The following PPP2R2A variants were observed in gnomAD, a reference collection of about 807,000 sequenced individuals.
The protein encoded by PPP2R2A is protein phosphatase 2 regulatory subunit Balpha.
Under a neutral mutation model 53.2 loss-of-function variants are expected in PPP2R2A, and 9 were observed. The ratio of observed to expected loss-of-function variants is 0.17; its 90% CI spans 0.10 to 0.30. PPP2R2A has a LOEUF of 0.30. Among genes scored for constraint, PPP2R2A ranks in the 10% least tolerant of loss-of-function variants. The pLI is 1.00. For synonymous variants in PPP2R2A, 169 were observed against 174.2 expected (o/e 0.97, Z 0.23); for missense variants, 235 against 534.6 (o/e 0.44, Z 5.53).
intron 2 of PPP2R2A, among the ~76,000 whole-genome samples, chr8:26,295,052 A>G (rs1801484925): frequency 2.0e-5 from 3 of 152,324 alleles, no homozygotes; most frequent in South Asian, 4.1e-4. Flanking sequence ...TGTTGTAACT[A>G]CATTACCTGT....
intron 4 of PPP2R2A, among the ~76,000 whole-genome samples, chr8:26,356,975 T>C (rs1308805056): frequency 1.3e-5 from 2 of 152,218 alleles, no homozygotes; most frequent in Non-Finnish European, 2.9e-5. Flanking sequence ...ATTGTAGATT[T>C]TTGTCTTTTG....
intron 3 of PPP2R2A, among the ~76,000 whole-genome samples, chr8:26,348,589 G>GA (rs1253368658): frequency 6.6e-6 from 1 of 152,036 alleles, no homozygotes; most frequent in African/African-American, 2.4e-5. Context: ...CCAAAATATG[G>GA]AAAAAAATGT....
At chr8:26,352,938 C>T (rs1563317900) in intron 3 of PPP2R2A, among the ~76,000 whole-genome samples, 1 of 152,150 alleles carries the variant, frequency 6.6e-6, no homozygotes, top group Admixed American at 6.6e-5. Context: ...TATCCCTCTA[C>T]GCCCTAGTGT....
At chr8:26,312,395 G>C (rs911396349) in intron 2 of PPP2R2A, among the ~76,000 whole-genome samples, 1 of 152,224 alleles carries the variant, frequency 6.6e-6, no homozygotes, top group African/African-American at 2.4e-5. Context: ...TCAGCTCCCA[G>C]TGATGCTGGT....
intron 2 of PPP2R2A, among the ~76,000 whole-genome samples, chr8:26,331,077 A>C (rs1803347841): frequency 6.6e-6 from 1 of 152,098 alleles, no homozygotes; most frequent in Admixed American, 6.5e-5. Flanking sequence ...TATTCAGCCA[A>C]AGATTCTAAG....
chr8:26,291,744 A>G lies in PPP2R2A; in HGVS notation c.-76A>G. ...CGCCATCCGCCCTCTCTACCCCCCC[A>G]TCCCCAGGTGAGGGGGGTGAGTTCA... is the stretch of plus-strand genomic sequence containing the variant. On this transcript the variant is annotated 5_prime_UTR_variant, in exon 1 of 10. Coordinates refer to ENST00000380737, the MANE Select transcript of PPP2R2A (RefSeq NM_002717.4). 2.8e-6 allele frequency: 3 copies of G among 1,085,474 alleles called. No individual in the cohort carries two copies. Among genetic ancestry groups the G allele is most frequent in the Non-Finnish European group, 3.5e-6 (3 of 854,330 alleles). The allele number at this position is 1,085,474 out of a possible 1,614,324, so 67.2% of individuals were successfully genotyped here. A position where few individuals can be genotyped will look rare whatever the true frequency, so the allele number is the denominator to read the frequency against.
At chr8:26,357,582 A>G (rs1585402622) in intron 4 of PPP2R2A, among the ~76,000 whole-genome samples, 1 of 152,278 alleles carries the variant, frequency 6.6e-6, no homozygotes, top group African/African-American at 2.4e-5. Context: ...TGCAGAAAAC[A>G]TGAAACTGAC....
chr8:26,308,358 A>G (rs1296454991), intron 2 of PPP2R2A, among the ~76,000 whole-genome samples: 1 of 152,000 alleles, frequency 6.6e-6, no homozygotes, highest in African/African-American at 2.4e-5. Flanking sequence ...ATGCTCTTTA[A>G]TAGCATTTTA....
rs1441617250 is a variant in PPP2R2A, at chr8:26,330,402, G to A, written c.83-8488G>A. ...TTGGCTCACTGCAACTTCACCTCCC[G>A]GGTTCAAGCGATCCTCCCATGTTCA... is the stretch of plus-strand genomic sequence containing the variant. On this transcript the variant is annotated intron_variant, in intron 2 of 9. Coordinates refer to ENST00000380737, the MANE Select transcript of PPP2R2A (RefSeq NM_002717.4). Among the ~76,000 whole-genome samples the A allele has an allele frequency of 9.3e-5, 14 of 149,992 alleles. No individual in the cohort carries two copies. The East Asian group carries it at 1.6e-3, about 17-fold the overall frequency.
intron 1 of PPP2R2A, chr8:26,292,380 G>GT: frequency 3.0e-6 from 3 of 985,754 alleles, no homozygotes; most frequent in Non-Finnish European, 3.6e-6. Flanking sequence ...TAAATTTTTT[G>GT]TTTCGAACCA....
intron 2 of PPP2R2A, among the ~76,000 whole-genome samples, chr8:26,329,504 G>A (rs1372337662): frequency 2.0e-5 from 3 of 151,940 alleles, no homozygotes; most frequent in African/African-American, 7.3e-5. Context: ...TACCTGCATA[G>A]TACAAAACCC....
chr8:26,320,437 A>G (rs1045103345), intron 2 of PPP2R2A, among the ~76,000 whole-genome samples: 1 of 152,112 alleles, frequency 6.6e-6, no homozygotes, highest in Non-Finnish European at 1.5e-5. Context: ...TGATGTAGGG[A>G]ACGTTTTTTT....
At chr8:26,313,419 C>T (rs1474897121) in intron 2 of PPP2R2A, among the ~76,000 whole-genome samples, 4 of 152,124 alleles carry the variant, frequency 2.6e-5, no homozygotes, top group Non-Finnish European at 5.9e-5. Context: ...GAACTGAGGT[C>T]CGCTAGGCTC....
chr8:26,353,079 T>G (rs1804603170), intron 3 of PPP2R2A, among the ~76,000 whole-genome samples: 1 of 152,200 alleles, frequency 6.6e-6, no homozygotes, highest in African/African-American at 2.4e-5. Flanking sequence ...AATGATAAAT[T>G]TTGTGAGACT....
chr8:26,325,975 A>G lies in PPP2R2A; in HGVS notation c.83-12915A>G, dbSNP rs1032383921. Among the ~76,000 whole-genome samples, 8 of 152,116 alleles carry G rather than the reference A, an allele frequency of 5.3e-5. 1 individual carries two copies. The highest frequency in any genetic ancestry group is 2.6e-4 in the Admixed American group (4 of 15,274). On this transcript the variant is annotated intron_variant, in intron 2 of 9. Transcript: ENST00000380737. ...CTCAGCCCCACAAGTAACTGAGACT[A>G]CAGGTGTGCGCTGCCATGCCTGGCT...
intron 4 of PPP2R2A, among the ~76,000 whole-genome samples, chr8:26,355,754 A>G (rs914014459): frequency 6.6e-6 from 1 of 152,002 alleles, no homozygotes; most frequent in South Asian, 2.1e-4. Flanking sequence ...AGTTCCAGCT[A>G]CTGGGGCGGG....
intron 2 of PPP2R2A, among the ~76,000 whole-genome samples, chr8:26,304,437 G>A (rs1020799759): frequency 1.8e-4 from 28 of 152,192 alleles, no homozygotes; most frequent in African/African-American, 6.5e-4. Flanking sequence ...GTAGGTAAAA[G>A]GGATTGGGGG....
chr8:26,294,127 T>C (rs931656761), intron 2 of PPP2R2A, among the ~76,000 whole-genome samples: 11 of 152,240 alleles, frequency 7.2e-5, no homozygotes, highest in African/African-American at 2.7e-4. Context: ...CATCAACATT[T>C]GGCTCAGAAA....
At chr8:26,368,969 G>A (rs1003830165) in intron 9 of PPP2R2A, among the ~76,000 whole-genome samples, 5 of 151,742 alleles carry the variant, frequency 3.3e-5, no homozygotes, top group Admixed American at 6.6e-5. Context: ...CTAGCCGGGC[G>A]TGGTGGCGGA....
Sources: gnomAD v4.1 joint callset for allele counts (sites outside exome capture counted in the v4.1 genomes callset) on GRCh38, gnomAD v4.1.1 for gene constraint, MANE v1.5 for transcripts, NCBI Gene and HGNC (gene_info 2026-07-23, HGNC 2026-07-21) for gene names.